RFLNA: variants seen among roughly 807,000 people sequenced by gnomAD.
RFLNA encodes the protein refilin A.
Under a neutral mutation model 7.8 loss-of-function variants are expected in RFLNA, and 5 were observed. That is an observed-to-expected ratio of 0.64 (90% confidence interval 0.34 to 1.35). RFLNA has a LOEUF of 1.35. RFLNA is among the 40% of genes most tolerant of loss of function. The pLI, the probability that RFLNA is intolerant of heterozygous loss-of-function variation, is 0.04. For missense variants in RFLNA, 278 were observed against 305.5 expected (o/e 0.91, Z 0.67); for synonymous variants, 141 against 131.3 (o/e 1.07, Z -0.50).
chr12:124,296,072 T>TTTTCTTTCTTTCTTCTCTTTCTTTC (rs1213737495), intron 1 of RFLNA, among the ~76,000 whole-genome samples: 1 of 94,652 alleles, frequency 1.1e-5, no homozygotes, highest in Non-Finnish European at 2.0e-5. Context: ...TGTGAAAGCC[T>TTTTCTTTCTTTCTTCTCTTTCTTTC]TTTCTTTCTT....
chr12:124,302,691 C>T (rs1457222401), intron 1 of RFLNA, among the ~76,000 whole-genome samples: 7 of 152,142 alleles, frequency 4.6e-5, no homozygotes, highest in East Asian at 3.9e-4. Flanking sequence ...CCAGCCCGTG[C>T]GCTTTGGTCT....
chr12:124,311,078 A>AC (rs1378029104), intron 1 of RFLNA, among the ~76,000 whole-genome samples: 17 of 150,862 alleles, frequency 1.1e-4, no homozygotes, highest in African/African-American at 4.1e-4. Flanking sequence ...CTGGTTTCCA[A>AC]CCCCCCTACA....
chr12:124,313,569 C>G (rs1054995269), intron 2 of RFLNA, among the ~76,000 whole-genome samples: 1 of 151,978 alleles, frequency 6.6e-6, no homozygotes, highest in Non-Finnish European at 1.5e-5. Flanking sequence ...GTCCCAGCTA[C>G]TCGGGAGGCT....
chr12:124,312,460 G>A (rs56227247), intron 2 of RFLNA, among the ~76,000 whole-genome samples: 12,631 of 151,780 alleles, frequency 0.083, 897 homozygotes, highest in African/African-American at 0.19. Context: ...GCAGGTGTGC[G>A]CCCCCATGGC....
At chr12:124,297,412 C>T (rs1305941982) in intron 1 of RFLNA, among the ~76,000 whole-genome samples, 1 of 152,178 alleles carries the variant, frequency 6.6e-6, no homozygotes, top group African/African-American at 2.4e-5. Context: ...TGATACTTGG[C>T]ATTTAGATAG....
rs372353196 is a variant in RFLNA, at chr12:124,300,255, C to T, written c.207+4619C>T. On this transcript the variant is annotated intron_variant, in intron 1 of 2. Transcript: ENST00000546355. The stretch of plus-strand genomic sequence containing the variant: ...GGCTCTGTCACCTTCAGGGCTCCTT[C>T]CCTCCATCCAGCCTCCCTCAGTCTT... 1.1e-4 allele frequency among the ~76,000 whole-genome samples: 17 copies of T among 152,352 alleles called. No individual in the cohort carries two copies. In the South Asian group the frequency reaches 3.3e-3, roughly 30 times the overall value.
chr12:124,311,346 T>G (rs186584773), intron 1 of RFLNA, among the ~76,000 whole-genome samples: 75 of 106,344 alleles, frequency 7.1e-4, no homozygotes, highest in Non-Finnish European at 4.7e-4. Context: ...CCCTGGCAGG[T>G]GTGCCACAGA....
In RFLNA at chr12:124,314,677, C is replaced by T. The variant is rs77916335; in HGVS notation, c.*152C>T. On this transcript the variant is annotated 3_prime_UTR_variant, in exon 3 of 3. Coordinates refer to ENST00000546355, the MANE Select transcript of RFLNA (RefSeq NM_001365156.1). ...ACCCGTGTGGAAGGAGGCGGCTCCC[C>T]GCTGCCTGCCCTGACCTACAGGCTA... The T allele has an allele frequency of 3.7e-4, 467 of 1,268,254 alleles. 1 individual carries two copies. In the African/African-American group the frequency reaches 5.1e-3, roughly 14 times the overall value. 78.6% of individuals were successfully genotyped at this position (1,268,254 alleles called of 1,614,324 possible).
In RFLNA at chr12:124,308,784, G is replaced by A. The variant is rs561077790; in HGVS notation, c.208-3034G>A. Among the ~76,000 whole-genome samples the A allele has an allele frequency of 9.5e-4, 144 of 152,356 alleles. 1 individual carries two copies. The highest frequency in any genetic ancestry group is 1.5e-3 in the Non-Finnish European group (105 of 68,036). Reference sequence around the variant, plus strand: ...GGACGTCTTGAGGCCTCTTCTCTGAGGGCCTCTGCACACAGCAGGCAGTGG... The same window carrying A: ...GGACGTCTTGAGGCCTCTTCTCTGAAGGCCTCTGCACACAGCAGGCAGTGG... On this transcript the variant is annotated intron_variant, in intron 1 of 2. Transcript: ENST00000546355.
At chr12:124,311,683 C>T (rs11057582) in intron 1 of RFLNA, 135 bp from the exon 2 acceptor site, 2 of 816,600 alleles carry the variant, frequency 2.4e-6, no homozygotes, top group Non-Finnish European at 3.6e-6. Flanking sequence ...AAGCGGCTTC[C>T]TGATGGGCCC....
At chr12:124,307,491 T>C (rs533574184) in intron 1 of RFLNA, among the ~76,000 whole-genome samples, 15 of 152,312 alleles carry the variant, frequency 9.8e-5, no homozygotes, top group Non-Finnish European at 1.9e-4. Flanking sequence ...TGGTCACAGC[T>C]GTGCCGTCGC....
At chr12:124,312,002 TG>T in intron 2 of RFLNA, 75 bp downstream of exon 2, 3 of 1,358,280 alleles carry the variant, frequency 2.2e-6, no homozygotes, top group Non-Finnish European at 1.9e-6. Context: ...TCTTGTGGGA[TG>T]GGGGTGGGGA....
At chr12:124,303,127 T>G (rs2034074767) in intron 1 of RFLNA, among the ~76,000 whole-genome samples, 1 of 152,156 alleles carries the variant, frequency 6.6e-6, no homozygotes. Flanking sequence ...TGTGCCTCCC[T>G]GTGAGTCCCT....
chr12:124,296,125 TCTC>T (rs2033914270), intron 1 of RFLNA, among the ~76,000 whole-genome samples: 1 of 3,086 alleles, frequency 3.2e-4, no homozygotes, highest in Non-Finnish European at 0.013. Context: ...TCTTTCTTTC[TCTC>T]TCTCTCTCTC....
chr12:124,300,659 AATAG>A (rs527687775), intron 1 of RFLNA, among the ~76,000 whole-genome samples: 18 of 121,120 alleles, frequency 1.5e-4, no homozygotes, highest in South Asian at 5.6e-4. Context: ...TCGATGGGCA[AATAG>A]ATAGAAGGAT....
At chr12:124,314,075 C>T in intron 2 of RFLNA, 117 bp from the exon 3 acceptor site, 1 of 1,321,280 alleles carries the variant, frequency 7.6e-7, no homozygotes, top group South Asian at 1.5e-5. Flanking sequence ...TCAGAGCAGC[C>T]CACACCCGTT....
Position 124,290,067 on chromosome 12 carries a change from A to G in RFLNA, c.-37+697A>G, listed in dbSNP as rs1238505533. ...CTCCACTTCAACTTCTTCTGTGGCT[A>G]CTTTCAAACCCTCAGGGATGTTCAG... On this transcript the variant is annotated intron_variant, in intron 1 of 2. Coordinates refer to the RFLNA transcript ENST00000324038. This position sits in a 1 kb window ranked among gnomAD's most constrained non-coding sequence, Gnocchi z 4.0. Among the ~76,000 whole-genome samples the G allele has an allele frequency of 6.6e-6, 1 of 152,140 alleles. No homozygotes were observed.
In RFLNA at chr12:124,306,053, C is replaced by G. The variant is rs2135685548; in HGVS notation, c.208-5765C>G. ...TGGGGCTCCTGGTGATGTTTGTCCA[C>G]AGACTGCTGCCAAACTTGAGGACAG... On this transcript the variant is annotated intron_variant, in intron 1 of 2. Coordinates refer to ENST00000546355, the MANE Select transcript of RFLNA (RefSeq NM_001365156.1). This position sits in a 1 kb window ranked among gnomAD's most constrained non-coding sequence, Gnocchi z 5.2. Among the ~76,000 whole-genome samples the G allele has an allele frequency of 6.6e-6, 1 of 152,284 alleles. No homozygotes were observed. The highest frequency in any genetic ancestry group is 1.9e-4 in the East Asian group (1 of 5,178).
intron 1 of RFLNA, among the ~76,000 whole-genome samples, chr12:124,300,651 G>T (rs554575159): frequency 6.6e-6 from 1 of 150,950 alleles, no homozygotes; most frequent in South Asian, 2.1e-4. Context: ...TGGATGGATC[G>T]ATGGGCAAAT....
Sources: gnomAD v4.1 joint callset for allele counts (sites outside exome capture counted in the v4.1 genomes callset) on GRCh38, gnomAD v4.1.1 for gene constraint, Gnocchi (gnomAD v3.1) non-coding constraint, MANE v1.5 for transcripts, NCBI Gene and HGNC (gene_info 2026-07-23, HGNC 2026-07-21) for gene names.